RPH3AL: variants seen among roughly 807,000 people sequenced by gnomAD.
RPH3AL encodes rab effector Noc2.
Under a neutral mutation model 43.1 loss-of-function variants are expected in RPH3AL, and 38 were observed. That is an observed-to-expected ratio of 0.88 (90% confidence interval 0.68 to 1.15). The LOEUF is 1.15. RPH3AL is among the 50% of genes most tolerant of loss of function. RPH3AL has a pLI of 0.00. For missense variants in RPH3AL, 462 were observed against 423.2 expected, an observed-to-expected ratio of 1.09 and a Z score of -0.81; for synonymous variants, 189 against 176.3, an observed-to-expected ratio of 1.07 and a Z score of -0.57.
rs1156846014 is a variant in RPH3AL at position 289,934 on chromosome 17, C to T, written c.352-8080G>A. On this transcript the variant is annotated intron_variant, in intron 5 of 9. Transcript: ENST00000331302. The surrounding 1 kb of genome is among the most constrained non-coding windows in gnomAD (Gnocchi z 5.2). ...GCTGTCAAGGTTGTGATTTTACCCTCCGCTGTGTGGCTGCAGGGCTCCTGT... is the reference window on the plus strand; with the variant it reads ...GCTGTCAAGGTTGTGATTTTACCCTTCGCTGTGTGGCTGCAGGGCTCCTGT... Among the ~76,000 whole-genome samples, 1 of 152,230 alleles carries T rather than the reference C, an allele frequency of 6.6e-6. No homozygotes were observed. The highest frequency in any genetic ancestry group is 1.5e-5 in the Non-Finnish European group (1 of 68,040).
Position 322,906 on chromosome 17 carries a change from G to C in RPH3AL, c.78-1491C>G, listed in dbSNP as rs1172318157. ...GTCCACTGGACAGTCTTATCTTCTG[G>C]TCCCGTCCCTTCCCAGATGCGAGAC... is the stretch of plus-strand genomic sequence containing the variant. On this transcript the variant is annotated intron_variant, in intron 3 of 9. Coordinates refer to ENST00000331302, the MANE Select transcript of RPH3AL (RefSeq NM_006987.4). The surrounding 1 kb of genome is among the most constrained non-coding windows in gnomAD (Gnocchi z 4.0). Among the ~76,000 whole-genome samples, 1 of 152,118 alleles carries C rather than the reference G, an allele frequency of 6.6e-6. No individual in the cohort carries two copies. Among genetic ancestry groups the C allele is most frequent in the South Asian group, 2.1e-4 (1 of 4,828 alleles).
chr17:215,210 G>A lies in RPH3AL; in HGVS notation c.876+444C>T, dbSNP rs899696305. On this transcript the variant is annotated intron_variant, in intron 9 of 9. Coordinates refer to ENST00000331302, the MANE Select transcript of RPH3AL (RefSeq NM_006987.4). The surrounding 1 kb of genome is among the most constrained non-coding windows in gnomAD (Gnocchi z 4.1). ...CAGTTTAAGGAGAACCCTCACCCCC[G>A]CCACAGGATGATCCTGGGCCAACCA... Among the ~76,000 whole-genome samples the A allele has an allele frequency of 9.2e-5, 14 of 152,198 alleles. No individual in the cohort carries two copies. Among genetic ancestry groups the A allele is most frequent in the South Asian group, 2.1e-4 (1 of 4,818 alleles).
At chr17:320,850 C>G (rs902664252) in intron 4 of RPH3AL, among the ~76,000 whole-genome samples, 3 of 152,224 alleles carry the variant, frequency 2.0e-5, no homozygotes, top group Non-Finnish European at 4.4e-5. Context: ...GAGGCGGAGG[C>G]CAGGAGAGGC....
chr17:228,668 G>C lies in RPH3AL; in HGVS notation c.614-8932C>G, dbSNP rs60169919. Reference sequence around the variant, plus strand: ...AGAAGTCATTCAGAGGCAGAGCTGGGATTTGAACCCAGGCCTTTCTATTGC... The same window carrying C: ...AGAAGTCATTCAGAGGCAGAGCTGGCATTTGAACCCAGGCCTTTCTATTGC... On this transcript the variant is annotated intron_variant, in intron 7 of 9. Coordinates refer to ENST00000331302, the MANE Select transcript of RPH3AL (RefSeq NM_006987.4). Among the ~76,000 whole-genome samples, 151 of 152,244 alleles carry C rather than the reference G, an allele frequency of 9.9e-4. 1 individual carries two copies. The highest frequency in any genetic ancestry group is 3.0e-3 in the African/African-American group (124 of 41,554).
chr17:312,683 C>G (rs1299799060), intron 5 of RPH3AL, among the ~76,000 whole-genome samples: 1 of 152,234 alleles, frequency 6.6e-6, no homozygotes, highest in Non-Finnish European at 1.5e-5. Flanking sequence ...AGGCAGTCTG[C>G]TAAGGGCTTC....
intron 5 of RPH3AL, among the ~76,000 whole-genome samples, chr17:307,320 AGGTCCTCCCCAC>A (rs1567634070): frequency 2.2e-5 from 3 of 136,474 alleles, no homozygotes; most frequent in Non-Finnish European, 4.7e-5. Context: ...TCCCCACGGC[AGGTCCTCCCCAC>A]GGCAGGTCCT....
At chr17:224,763 A>G (rs12453144) in intron 7 of RPH3AL, among the ~76,000 whole-genome samples, 1 of 152,110 alleles carries the variant, frequency 6.6e-6, no homozygotes, top group Non-Finnish European at 1.5e-5. Context: ...GCACATATAC[A>G]CCATGGAGTA....
intron 6 of RPH3AL, among the ~76,000 whole-genome samples, chr17:272,952 A>C (rs569222604): frequency 0.017 from 653 of 37,464 alleles, 15 homozygotes; most frequent in African/African-American, 0.044. Flanking sequence ...GACCCCAGCA[A>C]GGGCTACGTC....
intron 5 of RPH3AL, among the ~76,000 whole-genome samples, chr17:310,446 G>A (rs2043615625): frequency 6.6e-6 from 1 of 152,152 alleles, no homozygotes; most frequent in South Asian, 2.1e-4. Context: ...CCTGGGCCTG[G>A]ATGCTTCCCA....
chr17:261,380 G>A (rs543494611), intron 6 of RPH3AL, among the ~76,000 whole-genome samples: 4 of 152,328 alleles, frequency 2.6e-5, no homozygotes, highest in South Asian at 2.1e-4. Context: ...AGGGCACAGC[G>A]GGAACACAGC....
At chr17:309,967 CCT>C (rs2043602863) in intron 5 of RPH3AL, among the ~76,000 whole-genome samples, 1 of 152,244 alleles carries the variant, frequency 6.6e-6, no homozygotes, top group South Asian at 2.1e-4. Flanking sequence ...GCCCAGTCTT[CCT>C]TCATGAAGAC....
At chr17:293,957 G>A (rs2043108777) in intron 5 of RPH3AL, among the ~76,000 whole-genome samples, 1 of 152,010 alleles carries the variant, frequency 6.6e-6, no homozygotes, top group South Asian at 2.1e-4. Context: ...GAAACCAGAA[G>A]TCGGAAGTTG....
chr17:321,147 C>T, intron 4 of RPH3AL, 125 bp downstream of exon 4: 1 of 1,218,868 alleles, frequency 8.2e-7, no homozygotes, highest in Non-Finnish European at 1.1e-6. Flanking sequence ...GAGTCAGGGA[C>T]CTCCTCACCC....
chr17:294,862 AGGG>A (rs2043134654), intron 5 of RPH3AL, among the ~76,000 whole-genome samples: 2 of 57,202 alleles, frequency 3.5e-5, no homozygotes, highest in Non-Finnish European at 7.1e-5. Flanking sequence ...TCAGTGTGGG[AGGG>A]ACAGAGATGC....
rs566903648 is a variant in RPH3AL, at chr17:283,965, G to C, written c.352-2111C>G. On this transcript the variant is annotated intron_variant, in intron 5 of 9. Transcript: ENST00000331302. The surrounding 1 kb of genome is among the most constrained non-coding windows in gnomAD (Gnocchi z 4.2). Reference sequence around the variant, plus strand: ...GGTAAAGGGGAGAGGAAGCACTGATGCTACTTAGCTCTGTTTTCCTTGCGA... The same window carrying C: ...GGTAAAGGGGAGAGGAAGCACTGATCCTACTTAGCTCTGTTTTCCTTGCGA... Among the ~76,000 whole-genome samples the C allele has an allele frequency of 6.6e-6, 1 of 152,332 alleles. No individual in the cohort carries two copies. Among genetic ancestry groups the C allele is most frequent in the South Asian group, 2.1e-4 (1 of 4,828 alleles).
Position 290,313 on chromosome 17 carries a change from G to A in RPH3AL, c.352-8459C>T, listed in dbSNP as rs753896747. On this transcript the variant is annotated intron_variant, in intron 5 of 9. Transcript: ENST00000331302. This position sits in a 1 kb window ranked among gnomAD's most constrained non-coding sequence, Gnocchi z 4.2. The stretch of plus-strand genomic sequence containing the variant: ...AGGAGGTGGGGTGGTGGCCAGGTGG[G>A]CCTCAGTCTCAGGGTATGGAGCATA... Among the ~76,000 whole-genome samples the A allele has an allele frequency of 3.9e-5, 6 of 152,218 alleles. No individual in the cohort carries two copies. The highest frequency in any genetic ancestry group is 5.9e-5 in the Non-Finnish European group (4 of 68,038).
In RPH3AL at chr17:328,007, G is replaced by C. The variant is rs1297614485; in HGVS notation, c.-36-428C>G. Among the ~76,000 whole-genome samples, 1 of 152,156 alleles carries C rather than the reference G, an allele frequency of 6.6e-6. No individual in the cohort carries two copies. Among genetic ancestry groups the C allele is most frequent in the Admixed American group, 6.5e-5 (1 of 15,282 alleles). ...GGGGGGTGATGGCCAGACAGGCTGGGAAACCCTACTCCTTTCCCAAACCTG... is the reference window on the plus strand; with the variant it reads ...GGGGGGTGATGGCCAGACAGGCTGGCAAACCCTACTCCTTTCCCAAACCTG... On this transcript the variant is annotated intron_variant, in intron 2 of 9. Transcript: ENST00000331302. The surrounding 1 kb of genome is among the most constrained non-coding windows in gnomAD (Gnocchi z 4.2).
At chr17:219,595 A>C in intron 8 of RPH3AL, 28 bp downstream of exon 8, 1 of 1,309,648 alleles carries the variant, frequency 7.6e-7, no homozygotes, top group East Asian at 2.9e-5. Flanking sequence ...TGCCCGGCCA[A>C]TAAGCAGCAT....
At chr17:248,618 C>T (rs11651297) in intron 6 of RPH3AL, among the ~76,000 whole-genome samples, 5,296 of 152,248 alleles carry the variant, frequency 0.035, 127 homozygotes, top group South Asian at 0.092. Context: ...GGGTCTGGGA[C>T]GCACAGCCCC....
Sources: allele counts gnomAD v4.1 joint callset (sites outside exome capture counted in the v4.1 genomes callset), GRCh38; gene constraint gnomAD v4.1.1; non-coding constraint Gnocchi (gnomAD v3.1); transcripts MANE v1.5; gene names NCBI Gene and HGNC (gene_info 2026-07-23, HGNC 2026-07-21).